PLEKHA7: variants seen among roughly 807,000 people sequenced by gnomAD.
PLEKHA7 encodes the protein pleckstrin homology domain containing A7.
PLEKHA7 carries 104 observed loss-of-function variants against 170.0 expected under a neutral mutation model. That is an observed-to-expected ratio of 0.61 (90% confidence interval 0.52 to 0.72). The LOEUF is 0.72. Among genes scored for constraint, PLEKHA7 ranks in the 30% least tolerant of loss-of-function variants. The pLI, the probability that PLEKHA7 is intolerant of heterozygous loss-of-function variation, is 0.00. For missense variants in PLEKHA7, 1,615 were observed against 1,671.7 expected (o/e 0.97, Z 0.59); for synonymous variants, 648 against 660.8 (o/e 0.98, Z 0.30).
intron 4 of PLEKHA7, among the ~76,000 whole-genome samples, chr11:16,867,433 T>C (rs1854482540): frequency 6.6e-6 from 1 of 152,196 alleles, no homozygotes; most frequent in Non-Finnish European, 1.5e-5. Flanking sequence ...CTCCAGTGCT[T>C]GGCCTCAGTG....
chr11:16,857,747 T>C (rs1205865992), intron 4 of PLEKHA7, among the ~76,000 whole-genome samples: 3 of 151,396 alleles, frequency 2.0e-5, no homozygotes, highest in African/African-American at 7.3e-5. Context: ...GAGATGGAGT[T>C]TCGCTCTGTC....
chr11:16,923,312 C>T (rs1327171975), intron 3 of PLEKHA7, among the ~76,000 whole-genome samples: 1 of 152,154 alleles, frequency 6.6e-6, no homozygotes, highest in African/African-American at 2.4e-5. Context: ...CCTCAACTCA[C>T]AGAGTACCAG....
intron 3 of PLEKHA7, among the ~76,000 whole-genome samples, chr11:16,890,227 T>C (rs1054011234): frequency 1.3e-5 from 2 of 152,170 alleles, no homozygotes; most frequent in African/African-American, 2.4e-5. Context: ...ACAGGTCTTA[T>C]AAAGCAATTA....
chr11:16,928,190 C>CCTAG (rs1859695762), intron 3 of PLEKHA7, among the ~76,000 whole-genome samples: 1 of 152,130 alleles, frequency 6.6e-6, no homozygotes, highest in Non-Finnish European at 1.5e-5. Flanking sequence ...CGCCTGTAAT[C>CCTAG]CTAGCACTTT....
intron 3 of PLEKHA7, among the ~76,000 whole-genome samples, chr11:16,952,421 T>C (rs776914034): frequency 1.3e-5 from 2 of 152,132 alleles, no homozygotes; most frequent in Non-Finnish European, 2.9e-5. Flanking sequence ...CCCAGAAGAC[T>C]TTGTGAGACC....
At chr11:16,801,170 C>A in intron 16 of PLEKHA7, 95 bp from the exon 17 acceptor site, 1 of 1,085,578 alleles carries the variant, frequency 9.2e-7, no homozygotes, top group Non-Finnish European at 1.4e-6. Flanking sequence ...CTGACCCAGC[C>A]AGGGGAAGAG....
intron 3 of PLEKHA7, among the ~76,000 whole-genome samples, chr11:16,968,661 C>T (rs888718604): frequency 6.6e-6 from 1 of 152,216 alleles, no homozygotes; most frequent in Admixed American, 6.5e-5. Context: ...CGGAACAACA[C>T]AGTTTGGAGT....
rs1258905768 is a variant in PLEKHA7, at chr11:16,778,270, CAA to C, written c.*726_*727del. 8.5e-5 allele frequency: 12 copies of C among 141,176 alleles called. No individual in the cohort carries two copies. The highest frequency in any genetic ancestry group is 2.8e-4 in the Admixed American group (4 of 14,158). The allele number at this position is 141,176 out of a possible 1,614,324, so 8.7% of individuals were successfully genotyped here. Reference sequence around the variant, plus strand: ...GGGCAACAAGAGTGAAACTCCATCTCAAAAAAAAAAAAAGATAGCAAACTGCT... The same window carrying C: ...GGGCAACAAGAGTGAAACTCCATCTCAAAAAAAAAAAGATAGCAAACTGCT... On this transcript the variant is annotated 3_prime_UTR_variant, in exon 27 of 27. Coordinates refer to ENST00000531066, the MANE Select transcript of PLEKHA7 (RefSeq NM_001329630.2).
Position 16,777,964 on chromosome 11 carries a change from T to C in PLEKHA7, c.*1034A>G, listed in dbSNP as rs1238491941. Reference sequence around the variant, plus strand: ...TCCTCTCACCTTTTCTGTATTTCAATGTGTACTGTTAAAAATGAAAGCAGG... The same window carrying C: ...TCCTCTCACCTTTTCTGTATTTCAACGTGTACTGTTAAAAATGAAAGCAGG... On this transcript the variant is annotated 3_prime_UTR_variant, in exon 27 of 27. Coordinates refer to ENST00000531066, the MANE Select transcript of PLEKHA7 (RefSeq NM_001329630.2). 6.6e-6 allele frequency: 1 copy of C among 152,214 alleles called. No individual in the cohort carries two copies. The highest frequency in any genetic ancestry group is 6.5e-5 in the Admixed American group (1 of 15,282). The allele number at this position is 152,214 out of a possible 1,614,324, so 9.4% of individuals were successfully genotyped here.
intron 3 of PLEKHA7, among the ~76,000 whole-genome samples, chr11:16,954,884 G>T (rs982395767): frequency 6.6e-6 from 1 of 151,860 alleles, no homozygotes; most frequent in African/African-American, 2.4e-5. Context: ...TAGAGACGGG[G>T]TTTCACTATG....
In PLEKHA7 at chr11:16,911,566, G is replaced by C. The variant is rs1476002252; in HGVS notation, c.222-40384C>G. ...CCAAGGTGCTTATTCACTCATGGCAGTAGTCTTGTCCCTTATTGACTCCTC... is the reference window on the plus strand; with the variant it reads ...CCAAGGTGCTTATTCACTCATGGCACTAGTCTTGTCCCTTATTGACTCCTC... On this transcript the variant is annotated intron_variant, in intron 3 of 26. Coordinates refer to ENST00000531066, the MANE Select transcript of PLEKHA7 (RefSeq NM_001329630.2). Among the ~76,000 whole-genome samples the C allele has an allele frequency of 5.3e-5, 8 of 152,266 alleles. No individual in the cohort carries two copies. In the South Asian group the frequency reaches 1.5e-3, roughly 28 times the overall value.
intron 9 of PLEKHA7, among the ~76,000 whole-genome samples, chr11:16,831,030 G>T (rs1013201997): frequency 2.0e-5 from 3 of 152,180 alleles, no homozygotes; most frequent in African/African-American, 4.8e-5. Context: ...AGCATTTATT[G>T]CAAAACAAAG....
intron 3 of PLEKHA7, among the ~76,000 whole-genome samples, chr11:16,888,220 C>A (rs439069): frequency 1.2e-4 from 18 of 147,324 alleles, no homozygotes; most frequent in Admixed American, 4.7e-4. Flanking sequence ...TCTGGGAAGA[C>A]AGGAGCGCCT....
chr11:16,830,339 G>T (rs1851012614), intron 9 of PLEKHA7, among the ~76,000 whole-genome samples: 1 of 152,074 alleles, frequency 6.6e-6, no homozygotes, highest in Non-Finnish European at 1.5e-5. Context: ...ATGTGCTGAG[G>T]CTACTTCGGA....
intron 3 of PLEKHA7, 41 bp downstream of exon 3, chr11:17,013,948 C>CT (rs1565209421): frequency 6.6e-7 from 1 of 1,507,114 alleles, no homozygotes; most frequent in South Asian, 1.2e-5. Context: ...GGACCCCCCC[C>CT]CCGCGGCACA....
chr11:16,794,444 A>G, intron 19 of PLEKHA7, 44 bp downstream of exon 19: 1 of 1,554,900 alleles, frequency 6.4e-7, no homozygotes, highest in Non-Finnish European at 8.9e-7. Flanking sequence ...ATCTGAGGAC[A>G]GAGAGGAAAC....
intron 4 of PLEKHA7, among the ~76,000 whole-genome samples, chr11:16,863,910 C>G (rs567028582): frequency 2.0e-5 from 3 of 152,192 alleles, no homozygotes; most frequent in African/African-American, 7.2e-5. Flanking sequence ...AAATTAGGCC[C>G]CAAGATAAAA....
chr11:16,932,824 G>A (rs1005949000), intron 3 of PLEKHA7, among the ~76,000 whole-genome samples: 4 of 152,222 alleles, frequency 2.6e-5, no homozygotes, highest in Admixed American at 6.5e-5. Flanking sequence ...CAGGGGAAGA[G>A]CTGTCCTGGC....
At chr11:16,873,838 T>G (rs1179930664) in intron 3 of PLEKHA7, among the ~76,000 whole-genome samples, 1 of 152,144 alleles carries the variant, frequency 6.6e-6, no homozygotes, top group South Asian at 2.1e-4. Context: ...GACTAACTTT[T>G]GTATTTTTAG....
Sources: gnomAD v4.1 joint callset for allele counts (sites outside exome capture counted in the v4.1 genomes callset) on GRCh38, gnomAD v4.1.1 for gene constraint, MANE v1.5 for transcripts, NCBI Gene and HGNC (gene_info 2026-07-23, HGNC 2026-07-21) for gene names.